Variants in CSN1S1 observed in about 807,000 individuals in gnomAD.
CSN1S1 encodes alpha-S1-casein.
In CSN1S1, 63 loss-of-function variants were observed where a neutral mutation model predicts 49.1. The observed-to-expected ratio is 1.28, with a 90% confidence interval of 1.05 to 1.58. The LOEUF is 1.58. CSN1S1 is among the 40% of genes most tolerant of loss of function. CSN1S1 has a pLI of 0.00. For missense variants in CSN1S1, 260 were observed against 224.7 expected (o/e 1.16, Z -1.01); for synonymous variants, 78 against 67.1 (o/e 1.16, Z -0.79).
chr4:69,941,184 C>T (rs1722959671), intron 12 of CSN1S1, 124 bp downstream of exon 12: 2 of 483,456 alleles, frequency 4.1e-6, no homozygotes, highest in Non-Finnish European at 3.6e-6. Flanking sequence ...TTATTCTAGC[C>T]TTGACCAATA....
intron 11 of CSN1S1, among the ~76,000 whole-genome samples, chr4:69,940,699 A>G (rs995807290): frequency 2.0e-5 from 3 of 151,864 alleles, no homozygotes; most frequent in Non-Finnish European, 4.4e-5. Flanking sequence ...GCCAAAGTTA[A>G]ATCTTCACAG....
chr4:69,941,971 G>T, intron 12 of CSN1S1, 75 bp from the exon 13 acceptor site: 2 of 911,422 alleles, frequency 2.2e-6, no homozygotes, highest in African/African-American at 1.6e-5. Context: ...AACAAATGAA[G>T]GTACCCAGCA....
intron 14 of CSN1S1, 99 bp downstream of exon 14, chr4:69,942,676 T>C (rs977407514): frequency 1.1e-6 from 1 of 908,702 alleles, no homozygotes; most frequent in Non-Finnish European, 1.7e-6. Context: ...GATTTTTTTC[T>C]TCTCAAACAT....
At chr4:69,944,026 G>A (rs1311685258) in intron 14 of CSN1S1, among the ~76,000 whole-genome samples, 5 of 149,826 alleles carry the variant, frequency 3.3e-5, no homozygotes, top group African/African-American at 9.8e-5. Flanking sequence ...TCTCTCTCTC[G>A]GTCTCTCTAT....
intron 12 of CSN1S1, among the ~76,000 whole-genome samples, chr4:69,941,503 C>T (rs937834668): frequency 3.3e-5 from 5 of 151,860 alleles, no homozygotes; most frequent in Admixed American, 1.3e-4. Flanking sequence ...CTCACATAAT[C>T]TGCTTAACAC....
intron 12 of CSN1S1, among the ~76,000 whole-genome samples, chr4:69,941,645 A>T (rs894996060): frequency 1.3e-5 from 2 of 151,920 alleles, no homozygotes; most frequent in Non-Finnish European, 2.9e-5. Flanking sequence ...GCAAAATTGC[A>T]TGCTAGCATT....
intron 3 of CSN1S1, 149 bp from the exon 4 acceptor site, chr4:69,934,541 A>T: frequency 1.4e-6 from 1 of 715,082 alleles, no homozygotes; most frequent in East Asian, 2.8e-5. Flanking sequence ...TGTTACACAT[A>T]TTCAAGCATG....
At chr4:69,937,674 T>C (rs1041710771) in intron 8 of CSN1S1, 126 bp from the exon 9 acceptor site, 2 of 727,652 alleles carry the variant, frequency 2.7e-6, no homozygotes, top group Non-Finnish European at 2.2e-6. Flanking sequence ...TTTTTAGTTT[T>C]TCTTATTACT....
In CSN1S1 at chr4:69,945,004, G is replaced by T; in HGVS notation, c.557G>T (p.Ter186LeuextTer3). 6.2e-7 allele frequency: 1 copy of T among 1,612,088 alleles called. No homozygotes were observed. Among genetic ancestry groups the T allele is most frequent in the Non-Finnish European group, 8.5e-7 (1 of 1,178,758 alleles). ...YEKNNVMLQW[*>L] ...AAAAATAACGTCATGCTACAGTGGT[G>T]GTAAGTTCATTTAAATTACTACATC... The change falls in exon 15 of 16, where the codon TGA (stop) becomes TTA (leucine). Residue 186 changes from the stop codon to leucine, a stop_lost and splice_region_variant. Coordinates refer to ENST00000246891, the MANE Select transcript of CSN1S1 (RefSeq NM_001890.2).
chr4:69,943,931 C>T (rs1298061790), intron 14 of CSN1S1, among the ~76,000 whole-genome samples: 4 of 151,934 alleles, frequency 2.6e-5, no homozygotes, highest in African/African-American at 4.8e-5. Context: ...TGTTGTATTG[C>T]ATGTTAAGTT....
At chr4:69,931,425 C>G (rs968349705) in intron 1 of CSN1S1, among the ~76,000 whole-genome samples, 2 of 151,762 alleles carry the variant, frequency 1.3e-5, no homozygotes, top group Admixed American at 6.6e-5. Flanking sequence ...ATTATTTTTA[C>G]CTAATTCTAT....
At position 69,933,319 on chromosome 4, in the gene CSN1S1, A is replaced by G. The variant is rs10032658; in HGVS notation, c.51+713A>G. Among the ~76,000 whole-genome samples, 339 of 152,152 alleles carry G rather than the reference A, an allele frequency of 2.2e-3. 2 individuals are homozygous for G. The highest frequency in any genetic ancestry group is 7.7e-3 in the African/African-American group (321 of 41,554). On this transcript the variant is annotated intron_variant, in intron 2 of 15. Transcript: ENST00000246891. The stretch of plus-strand genomic sequence containing the variant: ...TAAACAGGAATCACCTGACTGGAAA[A>G]AACATCAGTTTAGAGGGATGATAAG...
intron 12 of CSN1S1, among the ~76,000 whole-genome samples, chr4:69,941,841 T>C (rs981491115): frequency 6.6e-6 from 1 of 151,892 alleles, no homozygotes; most frequent in African/African-American, 2.4e-5. Flanking sequence ...TAATATATTT[T>C]AGTACCATAG....
intron 1 of CSN1S1, among the ~76,000 whole-genome samples, chr4:69,931,487 A>G (rs1305689449): frequency 6.6e-6 from 1 of 151,912 alleles, no homozygotes; most frequent in Non-Finnish European, 1.5e-5. Context: ...CATAGCAAAA[A>G]CCATTTCTAG....
In CSN1S1 at chr4:69,936,474, A is replaced by T. The variant is rs1175879949; in HGVS notation, c.148A>T (p.Asn50Tyr). 1 of 1,571,770 alleles carries T rather than the reference A, an allele frequency of 6.4e-7. No homozygotes were observed. Among genetic ancestry groups the T allele is most frequent in the Non-Finnish European group, 8.7e-7 (1 of 1,143,848 alleles). The change falls in exon 6 of 16, where the codon AAC becomes TAC. Residue 50 changes from asparagine (N) to tyrosine (Y), a missense_variant. By Grantham distance (143) the Asn-to-Tyr change is moderately radical. Transcript: ENST00000246891. ...ESREEYMNGM[N>Y]RQRNILREKQ... is the part of the protein sequence containing the mutation. Reference sequence around the variant, plus strand: ...CCCTAAGGAATACATGAATGGTATGAACAGGGTAAGAAACATCAATGAAAT... The same window carrying T: ...CCCTAAGGAATACATGAATGGTATGTACAGGGTAAGAAACATCAATGAAAT...
chr4:69,945,842 ATTGTGTGT>A (rs908891645), intron 15 of CSN1S1, among the ~76,000 whole-genome samples: 56 of 96,148 alleles, frequency 5.8e-4, no homozygotes, highest in Middle Eastern at 5.3e-3. Flanking sequence ...GGAGCTTCCA[ATTGTGTGT>A]TTGTGTGTGT....
intron 9 of CSN1S1, among the ~76,000 whole-genome samples, chr4:69,938,679 AAAAGTAAATATTTC>A (rs2109720364): frequency 1.3e-5 from 2 of 151,932 alleles, no homozygotes; most frequent in Non-Finnish European, 2.9e-5. Flanking sequence ...ACTTTGAAGA[AAAAGTAAATATTTC>A]AAAGTAAATA....
In CSN1S1 at chr4:69,934,833, C is replaced by G. The variant is rs1722720886; in HGVS notation, c.105+123C>G. 4 of 805,460 alleles carry G rather than the reference C, an allele frequency of 5.0e-6. No individual in the cohort carries two copies. In the Admixed American group the frequency reaches 1.0e-4, roughly 21 times the overall value. The allele number at this position is 805,460 out of a possible 1,614,324, so 49.9% of individuals were successfully genotyped here. A position where few individuals can be genotyped will look rare whatever the true frequency, so the allele number is the denominator to read the frequency against. On this transcript the variant is annotated intron_variant, in intron 4 of 15. Transcript: ENST00000246891. Reference sequence around the variant, plus strand: ...ATTTCCCTTCAAATGCATCCAACAACTCAAGTACCTGGATTGCTCTCTAAA... The same window carrying G: ...ATTTCCCTTCAAATGCATCCAACAAGTCAAGTACCTGGATTGCTCTCTAAA...
At chr4:69,936,052 A>G (rs1722769429) in intron 5 of CSN1S1, 103 bp downstream of exon 5, 2 of 913,616 alleles carry the variant, frequency 2.2e-6, no homozygotes, top group East Asian at 5.4e-5. Context: ...AAAGTCAAGG[A>G]TAACAAATTT....
Sources: allele counts gnomAD v4.1 joint callset (sites outside exome capture counted in the v4.1 genomes callset), GRCh38; gene constraint gnomAD v4.1.1; transcripts MANE v1.5; gene names NCBI Gene and HGNC (gene_info 2026-07-23, HGNC 2026-07-21).